The following CSMD2 variants were observed in gnomAD, a reference collection of about 807,000 sequenced individuals.
CSMD2 encodes the protein CUB and Sushi multiple domains 2, also known as CUB and sushi domain-containing protein 2.
A neutral mutation model predicts 398.5 loss-of-function variants in CSMD2; 130 were observed. That is an observed-to-expected ratio of 0.33 (90% CI 0.28 to 0.38). CSMD2 has a LOEUF of 0.38. Among genes scored for constraint, CSMD2 ranks in the 10% least tolerant of loss-of-function variants. The pLI, the probability that CSMD2 is intolerant of heterozygous loss-of-function variation, is 1.00. For missense variants in CSMD2, 3,829 were observed against 4,764.9 expected (o/e 0.80, Z 5.78); for synonymous variants, 1,828 against 1,908.5 (o/e 0.96, Z 1.10).
At chr1:33,906,195 G>T (rs1643077184) in intron 5 of CSMD2, among the ~76,000 whole-genome samples, 1 of 152,148 alleles carries the variant, frequency 6.6e-6, no homozygotes, top group Non-Finnish European at 1.5e-5. Flanking sequence ...TGAGTTTTAG[G>T]GTTAATAAAA....
intron 13 of CSMD2, among the ~76,000 whole-genome samples, chr1:33,769,077 G>C (rs1359584195): frequency 6.6e-6 from 1 of 152,200 alleles, no homozygotes; most frequent in East Asian, 1.9e-4. Flanking sequence ...CTGCCAGCCT[G>C]TCGTCAAAGC....
chr1:33,989,737 T>C (rs1646484945), intron 3 of CSMD2, among the ~76,000 whole-genome samples: 1 of 152,118 alleles, frequency 6.6e-6, no homozygotes, highest in African/African-American at 2.4e-5. Flanking sequence ...CACAAGAGTA[T>C]ATATTGTATG....
intron 10 of CSMD2, among the ~76,000 whole-genome samples, chr1:33,803,654 A>G (rs1015831370): frequency 2.0e-5 from 3 of 152,104 alleles, no homozygotes; most frequent in African/African-American, 7.2e-5. Flanking sequence ...GTCCCACTCT[A>G]TCTCCTAAAT....
At chr1:34,001,595 C>G (rs1200737973) in intron 3 of CSMD2, among the ~76,000 whole-genome samples, 3 of 152,148 alleles carry the variant, frequency 2.0e-5, no homozygotes, top group African/African-American at 7.2e-5. Context: ...GAATACAACA[C>G]CCATGAACCT....
In CSMD2 at chr1:33,519,750, G is replaced by C; in HGVS notation, c.10736+62C>G. 1 of 1,612,654 alleles carries C rather than the reference G, an allele frequency of 6.2e-7. No homozygotes were observed. The highest frequency in any genetic ancestry group is 8.5e-7 in the Non-Finnish European group (1 of 1,178,874). ...AGAGGCTTAGGGGTCTGGTGCGGGG[G>C]GCCCTGGAGGGAGAGAGGGAGGCCT... is the stretch of plus-strand genomic sequence containing the variant. On this transcript the variant is annotated intron_variant, in intron 69 of 70. Transcript: ENST00000373381. This position sits in a 1 kb window ranked among gnomAD's most constrained non-coding sequence, Gnocchi z 5.6.
At chr1:33,789,324 C>T (rs561931888) in intron 11 of CSMD2, among the ~76,000 whole-genome samples, 2 of 152,258 alleles carry the variant, frequency 1.3e-5, no homozygotes, top group South Asian at 4.1e-4. Flanking sequence ...ATTCACAATC[C>T]CAACCCCAAG....
chr1:33,783,636 C>T (rs1165105755), intron 12 of CSMD2, among the ~76,000 whole-genome samples: 1 of 152,090 alleles, frequency 6.6e-6, no homozygotes, highest in African/African-American at 2.4e-5. Context: ...GCTGTTCTGC[C>T]TTCTCTAGAC....
intron 3 of CSMD2, among the ~76,000 whole-genome samples, chr1:33,937,546 C>T (rs763250402): frequency 5.9e-5 from 9 of 152,168 alleles, no homozygotes; most frequent in Non-Finnish European, 1.0e-4. Flanking sequence ...TTAGTATCTG[C>T]CTTCCAGAAC....
chr1:33,922,890 C>T (rs1327309741), intron 4 of CSMD2, among the ~76,000 whole-genome samples: 3 of 152,166 alleles, frequency 2.0e-5, no homozygotes, highest in African/African-American at 7.2e-5. Context: ...CCTCCTCCAG[C>T]CCATCCATTC....
chr1:34,066,892 C>G (rs1655177787), intron 2 of CSMD2, among the ~76,000 whole-genome samples: 1 of 152,148 alleles, frequency 6.6e-6, no homozygotes, highest in African/African-American at 2.4e-5. Flanking sequence ...GAGCGACACT[C>G]AATCATCAAA....
chr1:33,859,753 G>A (rs1639352158), intron 5 of CSMD2, among the ~76,000 whole-genome samples: 1 of 152,178 alleles, frequency 6.6e-6, no homozygotes. Context: ...TGTTGTTGCT[G>A]TGGCCTGAGC....
intron 13 of CSMD2, among the ~76,000 whole-genome samples, chr1:33,758,780 A>G (rs1649397332): frequency 6.6e-6 from 1 of 152,180 alleles, no homozygotes; most frequent in Non-Finnish European, 1.5e-5. Context: ...GTGAGTGGAC[A>G]TGACGTAGGC....
chr1:33,594,887 A>G (rs371003), intron 44 of CSMD2, among the ~76,000 whole-genome samples: 48 of 152,360 alleles, frequency 3.2e-4, no homozygotes, highest in African/African-American at 1.1e-3. Context: ...CCACAAAGGT[A>G]TAGGAGAAGT....
At chr1:33,613,568 G>T (rs972556383) in intron 40 of CSMD2, among the ~76,000 whole-genome samples, 1 of 152,122 alleles carries the variant, frequency 6.6e-6, no homozygotes, top group African/African-American at 2.4e-5. Flanking sequence ...TTTAGAGAAG[G>T]CCAGTTAGAC....
intron 1 of CSMD2, among the ~76,000 whole-genome samples, chr1:34,157,010 A>C (rs1443116320): frequency 6.6e-6 from 1 of 152,094 alleles, no homozygotes; most frequent in Non-Finnish European, 1.5e-5. Flanking sequence ...TAGGGTAGGC[A>C]CAATGTCTTT....
At chr1:34,161,236 T>A (rs1406642470) in intron 1 of CSMD2, among the ~76,000 whole-genome samples, 1 of 152,122 alleles carries the variant, frequency 6.6e-6, no homozygotes, top group East Asian at 1.9e-4. Context: ...AATATCTAAG[T>A]GAAGATGTCC....
intron 53 of CSMD2, among the ~76,000 whole-genome samples, chr1:33,565,168 T>C (rs1658938743): frequency 6.6e-6 from 1 of 152,174 alleles, no homozygotes; most frequent in Admixed American, 6.5e-5. Flanking sequence ...GGTGAAGGGC[T>C]TAACACTGAT....
At chr1:33,874,265 T>C (rs1443646908) in intron 5 of CSMD2, among the ~76,000 whole-genome samples, 1 of 152,220 alleles carries the variant, frequency 6.6e-6, no homozygotes, top group East Asian at 1.9e-4. Context: ...ATTGCAGGAT[T>C]TGGGCTTGTG....
intron 21 of CSMD2, among the ~76,000 whole-genome samples, chr1:33,711,564 C>T (rs1157938652): frequency 6.6e-6 from 1 of 152,150 alleles, no homozygotes; most frequent in Non-Finnish European, 1.5e-5. Flanking sequence ...CCATTTGGAA[C>T]CCTAACTGCC....
Sources: gnomAD v4.1 joint callset for allele counts (sites outside exome capture counted in the v4.1 genomes callset) on GRCh38, gnomAD v4.1.1 for gene constraint, Gnocchi (gnomAD v3.1) non-coding constraint, MANE v1.5 for transcripts, NCBI Gene and HGNC (gene_info 2026-07-23, HGNC 2026-07-21) for gene names.